Variants in MAMDC2 observed in about 807,000 individuals in gnomAD.
MAMDC2 encodes MAM domain containing 2.
Under a neutral mutation model 89.8 loss-of-function variants are expected in MAMDC2, and 57 were observed. That is an observed-to-expected ratio of 0.63 (90% CI 0.51 to 0.79). The LOEUF is 0.79. Ranked by LOEUF, MAMDC2 falls within the 30% of genes least tolerant of loss-of-function variation. The pLI is 0.00. For synonymous variants in MAMDC2, 313 were observed against 293.4 expected (o/e 1.07, Z -0.68); for missense variants, 800 against 820.6 (o/e 0.97, Z 0.31).
chr9:70,128,002 A>G (rs1002731152), intron 6 of MAMDC2, among the ~76,000 whole-genome samples: 1 of 151,992 alleles, frequency 6.6e-6, no homozygotes, highest in African/African-American at 2.4e-5. Context: ...GAAAAGTTAC[A>G]ACTCTGGACA....
chr9:70,128,273 C>A (rs62570291), intron 6 of MAMDC2, among the ~76,000 whole-genome samples: 25 of 152,218 alleles, frequency 1.6e-4, no homozygotes, highest in Non-Finnish European at 2.4e-4. Flanking sequence ...CTTTCCCCAC[C>A]GGCTCAGTGT....
chr9:70,142,819 G>GA (rs754556014), intron 8 of MAMDC2, among the ~76,000 whole-genome samples: 1 of 152,052 alleles, frequency 6.6e-6, no homozygotes, highest in African/African-American at 2.4e-5. Context: ...AGGAGGAGCA[G>GA]AAAAAAGAAA....
At chr9:70,182,361 C>T (rs767654583) in intron 11 of MAMDC2, among the ~76,000 whole-genome samples, 8 of 151,890 alleles carry the variant, frequency 5.3e-5, no homozygotes, top group African/African-American at 7.3e-5. Context: ...AGAATGATGC[C>T]GGCCTCATAA....
At chr9:70,147,892 A>C (rs1205646957) in intron 9 of MAMDC2, 1 of 150,254 alleles carries the variant, frequency 6.7e-6, no homozygotes, top group Non-Finnish European at 1.5e-5. Context: ...CACATTTCCA[A>C]ATGGCCCTAG....
At chr9:70,118,446 C>A (rs748383212) in intron 5 of MAMDC2, among the ~76,000 whole-genome samples, 6 of 152,064 alleles carry the variant, frequency 3.9e-5, no homozygotes, top group Non-Finnish European at 8.8e-5. Context: ...ATTTGAAAAG[C>A]TCTGCCCATA....
intron 9 of MAMDC2, chr9:70,154,075 T>C (rs1342664038): frequency 6.6e-6 from 1 of 152,226 alleles, no homozygotes; most frequent in African/African-American, 2.4e-5. Context: ...CTAGAACCCT[T>C]GTCTTGTATA....
intron 2 of MAMDC2, among the ~76,000 whole-genome samples, chr9:70,077,839 C>T (rs892789646): frequency 3.9e-5 from 6 of 152,112 alleles, no homozygotes; most frequent in East Asian, 1.9e-4. Flanking sequence ...TTGCAAGAAA[C>T]AAAGCAGGGA....
intron 11 of MAMDC2, among the ~76,000 whole-genome samples, chr9:70,207,728 T>A (rs1486228928): frequency 1.3e-5 from 2 of 152,202 alleles, no homozygotes; most frequent in African/African-American, 4.8e-5. Flanking sequence ...CTGAATGGTA[T>A]TGCCTAGGTT....
chr9:70,205,831 C>G (rs2033214058), intron 11 of MAMDC2, among the ~76,000 whole-genome samples: 1 of 152,222 alleles, frequency 6.6e-6, no homozygotes, highest in Non-Finnish European at 1.5e-5. Context: ...CAGAGCTTTT[C>G]TTTGCTGAGA....
At chr9:70,108,085 T>G (rs1379883176) in intron 2 of MAMDC2, 126 bp from the exon 3 acceptor site, 4 of 953,650 alleles carry the variant, frequency 4.2e-6, no homozygotes, top group African/African-American at 3.3e-5. Flanking sequence ...TTCAGGCAAC[T>G]TTCAGTGGGT....
At chr9:70,097,117 A>G (rs1828049002) in intron 2 of MAMDC2, among the ~76,000 whole-genome samples, 1 of 152,172 alleles carries the variant, frequency 6.6e-6, no homozygotes, top group Non-Finnish European at 1.5e-5. Context: ...GCATCTCCCC[A>G]GGCCTCACTG....
intron 8 of MAMDC2, among the ~76,000 whole-genome samples, chr9:70,142,612 G>C (rs1186477322): frequency 8.5e-5 from 13 of 152,150 alleles, no homozygotes. Context: ...TCAAAATCAA[G>C]GTGCCATCAG....
intron 2 of MAMDC2, among the ~76,000 whole-genome samples, chr9:70,052,362 C>T (rs1028635117): frequency 6.6e-6 from 1 of 152,164 alleles, no homozygotes; most frequent in Non-Finnish European, 1.5e-5. Flanking sequence ...TTCAACATGC[C>T]CTTTACTTAC....
chr9:70,077,999 T>G (rs1827570750), intron 2 of MAMDC2, among the ~76,000 whole-genome samples: 1 of 151,074 alleles, frequency 6.6e-6, no homozygotes, highest in Admixed American at 6.6e-5. Context: ...AATTAATTAA[T>G]TTCAGAGACT....
intron 8 of MAMDC2, among the ~76,000 whole-genome samples, 187 bp downstream of exon 8, chr9:70,140,475 C>T (rs917734319): frequency 6.6e-6 from 1 of 152,194 alleles, no homozygotes; most frequent in Non-Finnish European, 1.5e-5. Context: ...TGTTAACAAA[C>T]ATATTTGCTA....
chr9:70,161,723 G>A (rs548381709), intron 9 of MAMDC2, among the ~76,000 whole-genome samples: 10 of 152,182 alleles, frequency 6.6e-5, no homozygotes, highest in Non-Finnish European at 1.5e-4. Context: ...TTGTCAAACA[G>A]TTAAATGAAT....
chr9:70,068,929 AAGTT>A (rs1827334625), intron 2 of MAMDC2, among the ~76,000 whole-genome samples: 1 of 152,182 alleles, frequency 6.6e-6, no homozygotes, highest in African/African-American at 2.4e-5. Context: ...TATGATTTAA[AAGTT>A]AGGTAAAGCA....
intron 12 of MAMDC2, among the ~76,000 whole-genome samples, chr9:70,222,785 ATAT>A (rs1377427547): frequency 3.3e-5 from 5 of 152,192 alleles, no homozygotes; most frequent in Admixed American, 3.3e-4. Context: ...TACATCAGTC[ATAT>A]TATTAATTAT....
At chr9:70,114,829 TCTC>T (rs1043227078) in intron 5 of MAMDC2, among the ~76,000 whole-genome samples, 1 of 152,108 alleles carries the variant, frequency 6.6e-6, no homozygotes, top group Non-Finnish European at 1.5e-5. Flanking sequence ...ATAAGAGTGG[TCTC>T]CTTCCTCCAT....
Sources: allele counts gnomAD v4.1 joint callset (sites outside exome capture counted in the v4.1 genomes callset), GRCh38; gene constraint gnomAD v4.1.1; transcripts MANE v1.5; gene names NCBI Gene and HGNC (gene_info 2026-07-23, HGNC 2026-07-21).